The following SGCZ variants were observed in gnomAD, a reference collection of about 807,000 sequenced individuals.
SGCZ encodes the protein zeta-sarcoglycan.
Under a neutral mutation model 41.3 loss-of-function variants are expected in SGCZ, and 40 were observed. The ratio of observed to expected loss-of-function variants is 0.97; its 90% CI spans 0.75 to 1.26. The LOEUF (loss-of-function observed/expected upper bound fraction) is 1.26, where lower values mean the gene tolerates loss of function less well. SGCZ is among the 50% of genes most tolerant of loss of function. SGCZ has a pLI of 0.00. For missense variants in SGCZ, 552 were observed against 369.8 expected, an observed-to-expected ratio of 1.49 and a Z score of -4.04; for synonymous variants, 206 against 137.5, an observed-to-expected ratio of 1.50 and a Z score of -3.49.
intron 1 of SGCZ, among the ~76,000 whole-genome samples, chr8:15,136,956 AGACAGGAAAATGTGG>A (rs1808131493): frequency 6.6e-6 from 1 of 152,186 alleles, no homozygotes; most frequent in South Asian, 2.1e-4. Flanking sequence ...GCTCAGAACA[AGACAGGAAAATGTGG>A]GAAAGTTTGG....
intron 1 of SGCZ, among the ~76,000 whole-genome samples, chr8:14,927,227 C>G (rs1291513705): frequency 8.6e-5 from 13 of 151,162 alleles, no homozygotes; most frequent in East Asian, 2.0e-4. Flanking sequence ...TCCTGCCTCA[C>G]CCTCCGGAGC....
At chr8:14,917,515 C>A (rs1435099655) in intron 1 of SGCZ, among the ~76,000 whole-genome samples, 2 of 152,014 alleles carry the variant, frequency 1.3e-5, no homozygotes, top group Non-Finnish European at 2.9e-5. Flanking sequence ...CAATTGGATT[C>A]TTTATTTGAA....
chr8:15,186,681 A>G (rs925674844), intron 1 of SGCZ, among the ~76,000 whole-genome samples: 5 of 152,204 alleles, frequency 3.3e-5, no homozygotes, highest in African/African-American at 7.2e-5. Flanking sequence ...TGAGCAATCA[A>G]TAAGTATTTA....
chr8:14,257,382 A>T (rs1799503268), intron 3 of SGCZ, among the ~76,000 whole-genome samples: 2 of 151,844 alleles, frequency 1.3e-5, no homozygotes. Flanking sequence ...CAAAACAAAA[A>T]CACAAACAAA....
chr8:14,393,113 A>G (rs1225892449), intron 2 of SGCZ, among the ~76,000 whole-genome samples: 1 of 152,116 alleles, frequency 6.6e-6, no homozygotes, highest in African/African-American at 2.4e-5. Context: ...AAATATATCT[A>G]TGTTTTCTGA....
intron 1 of SGCZ, among the ~76,000 whole-genome samples, chr8:15,030,259 T>C (rs146219131): frequency 2.8e-4 from 42 of 152,258 alleles, no homozygotes; most frequent in African/African-American, 9.9e-4. Context: ...AATGCCAAGA[T>C]CTTATTCATC....
At chr8:14,646,624 G>C (rs1010307431) in intron 1 of SGCZ, among the ~76,000 whole-genome samples, 1 of 151,472 alleles carries the variant, frequency 6.6e-6, no homozygotes, top group African/African-American at 2.4e-5. Flanking sequence ...AGCTCTGTGA[G>C]AAATTTCTGA....
intron 1 of SGCZ, among the ~76,000 whole-genome samples, chr8:14,759,956 A>T (rs1203281343): frequency 3.3e-5 from 5 of 152,188 alleles, no homozygotes; most frequent in Admixed American, 6.5e-5. Flanking sequence ...TAAAAACTTG[A>T]AATTGTAAAG....
At chr8:14,250,673 A>G (rs554322683) in intron 3 of SGCZ, among the ~76,000 whole-genome samples, 82 of 152,256 alleles carry the variant, frequency 5.4e-4, no homozygotes, top group African/African-American at 1.9e-3. Flanking sequence ...TAATTTTTGT[A>G]TTTGAGTTAA....
At chr8:14,494,727 A>T (rs950988616) in intron 2 of SGCZ, among the ~76,000 whole-genome samples, 17 of 152,218 alleles carry the variant, frequency 1.1e-4, no homozygotes, top group African/African-American at 3.9e-4. Flanking sequence ...TAACTACAAC[A>T]TCAGTAGACT....
At chr8:14,110,782 G>A (rs1266923981) in intron 5 of SGCZ, among the ~76,000 whole-genome samples, 1 of 152,116 alleles carries the variant, frequency 6.6e-6, no homozygotes, top group Non-Finnish European at 1.5e-5. Flanking sequence ...AAAATGCACA[G>A]TGGCTCGTGC....
At chr8:14,514,333 G>C (rs1802549393) in intron 2 of SGCZ, among the ~76,000 whole-genome samples, 1 of 152,036 alleles carries the variant, frequency 6.6e-6, no homozygotes, top group African/African-American at 2.4e-5. Context: ...TTTGAAGCCA[G>C]TTTCTGCTAC....
At chr8:14,199,258 G>C (rs1805377495) in intron 4 of SGCZ, among the ~76,000 whole-genome samples, 2 of 152,104 alleles carry the variant, frequency 1.3e-5, no homozygotes, top group African/African-American at 4.8e-5. Flanking sequence ...TGTCATAGCG[G>C]ACAGATGAAA....
intron 3 of SGCZ, among the ~76,000 whole-genome samples, chr8:14,322,869 G>C (rs112775445): frequency 5.9e-5 from 9 of 152,076 alleles, no homozygotes; most frequent in African/African-American, 1.4e-4. Flanking sequence ...ATGAAAGTAA[G>C]ACACTAACAT....
intron 5 of SGCZ, among the ~76,000 whole-genome samples, chr8:14,108,830 G>A (rs1262992504): frequency 6.6e-6 from 1 of 152,146 alleles, no homozygotes; most frequent in Non-Finnish European, 1.5e-5. Flanking sequence ...AAAGTCAAAA[G>A]TCAGTGAGTA....
chr8:14,483,786 A>G (rs2117010637), intron 2 of SGCZ, among the ~76,000 whole-genome samples: 1 of 152,316 alleles, frequency 6.6e-6, no homozygotes, highest in Non-Finnish European at 1.5e-5. Context: ...TACTATGTAT[A>G]TATGAATATA....
intron 1 of SGCZ, among the ~76,000 whole-genome samples, chr8:15,203,132 A>C: frequency 6.6e-6 from 1 of 152,030 alleles, no homozygotes; most frequent in Non-Finnish European, 1.5e-5. Context: ...AACAAAAAAA[A>C]ACACCAATAT....
chr8:14,251,689 A>G (rs1214885175), intron 3 of SGCZ, among the ~76,000 whole-genome samples: 1 of 152,208 alleles, frequency 6.6e-6, no homozygotes, highest in Non-Finnish European at 1.5e-5. Flanking sequence ...TAAATAATGC[A>G]TAGTATTAGA....
At chr8:14,336,244 T>C (rs1297551928) in intron 2 of SGCZ, among the ~76,000 whole-genome samples, 1 of 152,212 alleles carries the variant, frequency 6.6e-6, no homozygotes, top group Non-Finnish European at 1.5e-5. Context: ...AAGGACATGA[T>C]ATCATTCTTA....
Sources: gnomAD v4.1 joint callset for allele counts (sites outside exome capture counted in the v4.1 genomes callset) on GRCh38, gnomAD v4.1.1 for gene constraint, MANE v1.5 for transcripts, NCBI Gene and HGNC (gene_info 2026-07-23, HGNC 2026-07-21) for gene names.